NIPBL: variants seen among roughly 807,000 people sequenced by gnomAD.
NIPBL encodes NIPBL cohesin loading factor.
A neutral mutation model predicts 321.8 loss-of-function variants in NIPBL; 19 were observed. That is an observed-to-expected ratio of 0.06 (90% CI 0.04 to 0.09). NIPBL has a LOEUF of 0.09. Among genes scored for constraint, NIPBL ranks in the 10% least tolerant of loss-of-function variants. The pLI is 1.00. For synonymous variants in NIPBL, 1,106 were observed against 1,114.1 expected, an observed-to-expected ratio of 0.99 and a Z score of 0.14; for missense variants, 2,210 against 3,327.0, an observed-to-expected ratio of 0.66 and a Z score of 8.26.
chr5:36,955,391 T>G (rs948412926), intron 2 of NIPBL, 81 bp from the exon 3 acceptor site: 57 of 1,210,136 alleles, frequency 4.7e-5, no homozygotes, highest in Non-Finnish European at 6.2e-5. Context: ...ATAACTTACT[T>G]TTAATCCCAA....
At position 37,022,288 on chromosome 5, in the gene NIPBL, G is replaced by T; in HGVS notation, c.5472G>T (p.Ser1824=). 1.2e-6 allele frequency: 2 copies of T among 1,613,728 alleles called. No homozygotes were observed. Among genetic ancestry groups the T allele is most frequent in the Non-Finnish European group, 1.7e-6 (2 of 1,179,942 alleles). ...TTCATGGACGATTGATGGATAATTCGACTAGTGTCCGAGAAGCAGCAGTAG... is the reference window on the plus strand; with the variant it reads ...TTCATGGACGATTGATGGATAATTCTACTAGTGTCCGAGAAGCAGCAGTAG... ...RGVHGRLMDN[S]TSVREAAVEL... Residue 1824 remains serine (S), a synonymous_variant, in exon 29 of 47, where the codon TCG becomes TCT. Coordinates refer to ENST00000282516, the MANE Select transcript of NIPBL (RefSeq NM_133433.4).
In NIPBL at chr5:36,939,201, C is replaced by T. The variant is rs550048266; in HGVS notation, c.-79-14417C>T. Among the ~76,000 whole-genome samples, 44 of 152,226 alleles carry T rather than the reference C, an allele frequency of 2.9e-4. 1 individual carries two copies. The highest frequency in any genetic ancestry group is 2.8e-3 in the Admixed American group (43 of 15,286). ...TATTTTTTGTAGAGATGGGCTTTTG[C>T]CATATTGCCCAGACTATTCTTGAAC... On this transcript the variant is annotated intron_variant, in intron 1 of 46. Transcript: ENST00000282516.
rs749789305 is a variant in NIPBL, at chr5:37,036,365, A to G, written c.5863-14A>G. The G allele has an allele frequency of 4.9e-5, 29 of 594,550 alleles. No individual in the cohort carries two copies. Among genetic ancestry groups the G allele is most frequent in the Admixed American group, 2.6e-4 (6 of 22,996 alleles). 36.8% of individuals were successfully genotyped at this position (594,550 alleles called of 1,614,324 possible). A position where few individuals can be genotyped will look rare whatever the true frequency, so the allele number is the denominator to read the frequency against. On this transcript the variant is annotated splice_polypyrimidine_tract_variant and intron_variant, in intron 32 of 46. Transcript: ENST00000282516. ...TATATATGTATATATATATATATAT[A>G]TATGTATATATAGTTGTTGAAGTCC...
At chr5:36,931,697 T>C (rs1055663133) in intron 1 of NIPBL, among the ~76,000 whole-genome samples, 11 of 152,142 alleles carry the variant, frequency 7.2e-5, no homozygotes, top group African/African-American at 2.7e-4. Context: ...TGTTCTCTCT[T>C]ACTTTCCTGA....
At chr5:37,009,302 C>T (rs1747819653) in intron 20 of NIPBL, among the ~76,000 whole-genome samples, 1 of 152,058 alleles carries the variant, frequency 6.6e-6, no homozygotes, top group Non-Finnish European at 1.5e-5. Flanking sequence ...ATTAAATGCT[C>T]TTTAATCACT....
chr5:37,003,836 T>C (rs1747106324), intron 16 of NIPBL, among the ~76,000 whole-genome samples: 2 of 152,204 alleles, frequency 1.3e-5, no homozygotes, highest in South Asian at 2.1e-4. Context: ...AGCTTTGCCA[T>C]AAAGTAAGAA....
intron 10 of NIPBL, among the ~76,000 whole-genome samples, chr5:36,988,302 T>G (rs893377806): frequency 6.6e-6 from 1 of 152,160 alleles, no homozygotes; most frequent in Admixed American, 6.5e-5. Context: ...AAGTAAGCTA[T>G]CTGGGTGTCT....
At chr5:36,968,095 C>CAAAAAAAAAAA (rs1194609840) in intron 6 of NIPBL, among the ~76,000 whole-genome samples, 4 of 54,182 alleles carry the variant, frequency 7.4e-5, no homozygotes, top group East Asian at 4.7e-4. Flanking sequence ...GACTCTGTCT[C>CAAAAAAAAAAA]AAAAAAAAAA....
At chr5:36,992,649 G>A (rs1333946375) in intron 10 of NIPBL, among the ~76,000 whole-genome samples, 1 of 152,042 alleles carries the variant, frequency 6.6e-6, no homozygotes, top group East Asian at 1.9e-4. Flanking sequence ...AAATGGCTGA[G>A]TTATCCAGAT....
rs773286952 is a variant in NIPBL, at chr5:37,044,427, A to T, written c.6189A>T (p.Glu2063Asp). The change falls in exon 35 of 47, where the codon GAA becomes GAT. Residue 2063 changes from glutamate to aspartate, a missense_variant. By Grantham distance (45) the Glu-to-Asp change is conservative. Around this residue, in one of 14 missense-constraint regions of NIPBL, gnomAD observed 73 missense variants for 222.3 expected, o/e 0.33. Transcript: ENST00000282516. ...TACCACTGATGGAGCATCCAAGTGA[A>T]ACTTTTCTTGCCACTATTGAGGAAG... ...LVVPLMEHPSETFLATIEEDL... is the reference protein window; with the variant it reads ...LVVPLMEHPSDTFLATIEEDL... 2.5e-6 allele frequency: 4 copies of T among 1,614,010 alleles called. No individual in the cohort carries two copies. The highest frequency in any genetic ancestry group is 1.7e-5 in the Admixed American group (1 of 60,024).
At chr5:37,008,825 T>G in intron 20 of NIPBL, 102 bp downstream of exon 20, 1 of 747,910 alleles carries the variant, frequency 1.3e-6, no homozygotes, top group South Asian at 1.5e-5. Flanking sequence ...TTTTAATAAT[T>G]AAAAACTAGG....
intron 21 of NIPBL, among the ~76,000 whole-genome samples, chr5:37,012,119 A>G (rs1252262911): frequency 2.0e-5 from 3 of 148,008 alleles, no homozygotes; most frequent in African/African-American, 7.4e-5. Context: ...TTGACTGTTT[A>G]TATCTTAATC....
intron 1 of NIPBL, among the ~76,000 whole-genome samples, chr5:36,925,130 A>G (rs535237307): frequency 2.0e-5 from 3 of 152,342 alleles, no homozygotes; most frequent in East Asian, 1.9e-4. Context: ...AATGCTTGGC[A>G]TATAGAAGGT....
intron 32 of NIPBL, among the ~76,000 whole-genome samples, chr5:37,028,390 G>A (rs1476287007): frequency 7.2e-6 from 1 of 139,720 alleles, no homozygotes; most frequent in Non-Finnish European, 1.5e-5. Context: ...AAACTGGAGT[G>A]CAGTGGCGCC....
intron 1 of NIPBL, among the ~76,000 whole-genome samples, chr5:36,882,286 A>G (rs147221658): frequency 1.3e-5 from 2 of 152,028 alleles, no homozygotes; most frequent in Non-Finnish European, 2.9e-5. Flanking sequence ...GTCTGGCACT[A>G]TGTTGAGTGC....
Position 36,985,897 on chromosome 5 carries a change from A to G in NIPBL, c.2717A>G (p.Asp906Gly). 2.5e-6 allele frequency: 4 copies of G among 1,613,954 alleles called. No homozygotes were observed. Among genetic ancestry groups the G allele is most frequent in the Non-Finnish European group, 3.4e-6 (4 of 1,179,958 alleles). The change falls in exon 10 of 47, where the codon GAT becomes GGT. Residue 906 changes from aspartate (D) to glycine (G), a missense_variant. Asp to Gly is a moderately conservative substitution (Grantham distance 94). Transcript: ENST00000282516. ...KQGDSNKSRS[D>G]KLGFKSPTSK... ...GGAGATTCTAATAAATCAAGATCTGATAAACTTGGTTTTAAATCACCAACT... is the reference window on the plus strand; with the variant it reads ...GGAGATTCTAATAAATCAAGATCTGGTAAACTTGGTTTTAAATCACCAACT...
At chr5:37,007,614 G>A (rs1747594564) in intron 18 of NIPBL, 140 bp downstream of exon 18, 1 of 608,558 alleles carries the variant, frequency 1.6e-6, no homozygotes, top group Non-Finnish European at 2.8e-6. Context: ...CTAAATCGAA[G>A]AAATAAAACT....
chr5:37,054,174 C>T (rs1286810846), intron 42 of NIPBL, among the ~76,000 whole-genome samples: 2 of 144,740 alleles, frequency 1.4e-5, no homozygotes, highest in Non-Finnish European at 1.5e-5. Context: ...CCAGCCTGGC[C>T]GACAGAGCGA....
chr5:36,968,287 A>G (rs913076783), intron 6 of NIPBL, among the ~76,000 whole-genome samples: 7 of 152,010 alleles, frequency 4.6e-5, no homozygotes, highest in African/African-American at 1.7e-4. Context: ...CATTCATGAC[A>G]TTTAAAACTT....
Sources: allele counts gnomAD v4.1 joint callset (sites outside exome capture counted in the v4.1 genomes callset), GRCh38; gene constraint gnomAD v4.1.1; regional missense constraint gnomAD v4.1.1; transcripts MANE v1.5; gene names NCBI Gene and HGNC (gene_info 2026-07-23, HGNC 2026-07-21).